GALR2: variants seen among roughly 807,000 people sequenced by gnomAD.
The protein encoded by GALR2 is galanin receptor type 2.
A neutral mutation model predicts 7.2 loss-of-function variants in GALR2; 5 were observed. The observed-to-expected ratio is 0.69, with a 90% CI of 0.36 to 1.45. GALR2 has a LOEUF of 1.45. GALR2 is among the 40% of genes most tolerant of loss of function. GALR2 has a pLI of 0.03. For synonymous variants in GALR2, 300 were observed against 263.9 expected (o/e 1.14, Z -1.32); for missense variants, 561 against 555.7 (o/e 1.01, Z -0.10).
upstream of GALR2, chr17:76,072,708 CG>C (rs2066866904): frequency 4.6e-5 from 39 of 853,678 alleles, no homozygotes; most frequent in South Asian, 7.5e-4. This position sits in a 1 kb window ranked among gnomAD's most constrained non-coding sequence, Gnocchi z 4.5. Context: ...GACTTGAGGC[CG>C]CAGTGAGACC....
At chr17:76,072,612 TG>T (rs2066866043), upstream of GALR2, 1 of 1,461,094 alleles carries the variant, frequency 6.8e-7, no homozygotes, top group Admixed American at 2.7e-5. The surrounding 1 kb of genome is among the most constrained non-coding windows in gnomAD (Gnocchi z 4.5). Flanking sequence ...CGTCGGCCCT[TG>T]CTGCAGCAGG....
chr17:76,074,203 C>T (rs924444215), upstream of GALR2, among the ~76,000 whole-genome samples: 3 of 152,100 alleles, frequency 2.0e-5, no homozygotes, highest in African/African-American at 4.8e-5. The surrounding 1 kb of genome is among the most constrained non-coding windows in gnomAD (Gnocchi z 6.7). Flanking sequence ...GTAGTCCCAG[C>T]CCCTCAGAAG....
chr17:76,074,488 G>A, upstream of GALR2, among the ~76,000 whole-genome samples: 1 of 152,230 alleles, frequency 6.6e-6, no homozygotes, highest in Admixed American at 6.5e-5. This position sits in a 1 kb window ranked among gnomAD's most constrained non-coding sequence, Gnocchi z 6.7. Context: ...CGGCGCACAC[G>A]CAGGGTCCGG....
chr17:76,076,913 C>A lies in GALR2; in HGVS notation c.646C>A (p.Arg216Ser), dbSNP rs762093548. ...TYARTLRYLW[R>S]AVDPVAAGSG... ...CGCGCGCACCTTGCGCTACCTCTGG[C>A]GCGCCGTCGACCCGGTGGCCGCGGG... Residue 216 changes from arginine (R) to serine (S), a missense_variant, in exon 2 of 2, where the codon CGC (arginine) becomes AGC (serine). By Grantham distance (110) the Arg-to-Ser change is moderately radical. Coordinates refer to ENST00000329003, the MANE Select transcript of GALR2 (RefSeq NM_003857.4). The surrounding 1 kb of genome is among the most constrained non-coding windows in gnomAD (Gnocchi z 6.5). 1 of 1,602,048 alleles carries A rather than the reference C, an allele frequency of 6.2e-7. No individual in the cohort carries two copies. The highest frequency in any genetic ancestry group is 8.5e-7 in the Non-Finnish European group (1 of 1,178,532).
upstream of GALR2, chr17:76,072,148 ACC>A: frequency 7.9e-7 from 1 of 1,264,140 alleles, no homozygotes; most frequent in Non-Finnish European, 1.1e-6. This position sits in a 1 kb window ranked among gnomAD's most constrained non-coding sequence, Gnocchi z 4.5. Flanking sequence ...CGAGAGACAG[ACC>A]CCCCCCGGAA....
rs1837090436 is a variant in GALR2 at position 76,074,864 on chromosome 17, GC to G, written c.-18del. Reference sequence around the variant, plus strand: ...CCAGACGGCTGCAGGAGCCCGGGCAGCCTCGGGGTCAGCGGCACCATGAACG... The same window carrying G: ...CCAGACGGCTGCAGGAGCCCGGGCAGCTCGGGGTCAGCGGCACCATGAACG... On this transcript the variant is annotated 5_prime_UTR_variant, in exon 1 of 2. Transcript: ENST00000329003. The surrounding 1 kb of genome is among the most constrained non-coding windows in gnomAD (Gnocchi z 6.7). The G allele has an allele frequency of 6.7e-7, 1 of 1,488,072 alleles. No individual in the cohort carries two copies. The highest frequency in any genetic ancestry group is 1.3e-5 in the South Asian group (1 of 75,806). The allele number at this position is 1,488,072 out of a possible 1,614,324, so 92.2% of individuals were successfully genotyped here.
At position 76,077,277 on chromosome 17, in the gene GALR2, G is replaced by A. The variant is rs758838164; in HGVS notation, c.1010G>A (p.Arg337His). 1 of 1,599,472 alleles carries A rather than the reference G, an allele frequency of 6.3e-7. No individual in the cohort carries two copies. Residue 337 changes from arginine to histidine, a missense_variant, in exon 2 of 2, where the codon CGC becomes CAC. Physicochemically the swap from Arg to His is conservative, Grantham distance 29 (BLOSUM62 0). Coordinates refer to ENST00000329003, the MANE Select transcript of GALR2 (RefSeq NM_003857.4). ...RGTHSGSVLE[R>H]ESSDLLHMSE... ...ACCCACAGTGGCAGCGTGTTGGAGCGCGAGTCCAGCGACCTGTTGCACATG... is the reference window on the plus strand; with the variant it reads ...ACCCACAGTGGCAGCGTGTTGGAGCACGAGTCCAGCGACCTGTTGCACATG...
At chr17:76,074,669 G>A (rs1371795499), upstream of GALR2, 16 of 554,512 alleles carry the variant, frequency 2.9e-5, no homozygotes, top group Non-Finnish European at 4.4e-5. This position sits in a 1 kb window ranked among gnomAD's most constrained non-coding sequence, Gnocchi z 6.7. Context: ...CAGCGCCGCC[G>A]GCCGCTGCTG....
At chr17:76,072,455 C>CACT (rs757052173), upstream of GALR2, 16 of 1,581,556 alleles carry the variant, frequency 1.0e-5, no homozygotes, top group Admixed American at 1.8e-5. The surrounding 1 kb of genome is among the most constrained non-coding windows in gnomAD (Gnocchi z 4.5). Context: ...CTGCCGCCGC[C>CACT]GCCGCCGCCG....
chr17:76,072,414 A>ACCGCCGCCGCCACTG (rs1555630552), upstream of GALR2: 4 of 1,580,616 alleles, frequency 2.5e-6, no homozygotes, highest in Non-Finnish European at 2.6e-6. This position sits in a 1 kb window ranked among gnomAD's most constrained non-coding sequence, Gnocchi z 4.5. Context: ...CACCGCCGCT[A>ACCGCCGCCGCCACTG]CCGCCGCCGC....
Position 76,075,893 on chromosome 17 carries a change from G to C in GALR2, c.368+642G>C, listed in dbSNP as rs1266380146. ...AACAAAATAAAATCCAAAACAAGTC[G>C]GGGCCGGGAGAGGAGCGTGCCCTGG... On this transcript the variant is annotated intron_variant, in intron 1 of 1. Coordinates refer to ENST00000329003, the MANE Select transcript of GALR2 (RefSeq NM_003857.4). This position sits in a 1 kb window ranked among gnomAD's most constrained non-coding sequence, Gnocchi z 5.9. Among the ~76,000 whole-genome samples the C allele has an allele frequency of 8.5e-5, 13 of 152,222 alleles. No individual in the cohort carries two copies. The highest frequency in any genetic ancestry group is 8.5e-4 in the Admixed American group (13 of 15,284).
Position 76,074,998 on chromosome 17 carries a change from G to A in GALR2, c.115G>A (p.Gly39Ser), listed in dbSNP as rs749562344. 2 of 1,606,968 alleles carry A rather than the reference G, an allele frequency of 1.2e-6. No individual in the cohort carries two copies. Among genetic ancestry groups the A allele is most frequent in the East Asian group, 2.2e-5 (1 of 44,852 alleles). ...GCTCTTCGCGCTCATCTTCCTCGTG[G>A]GCACCGTGGGCAACACGCTGGTGCT... ...PLLFALIFLV[G>S]TVGNTLVLAV... is the part of the protein sequence containing the mutation. The change falls in exon 1 of 2, where the codon GGC (glycine) becomes AGC (serine). Residue 39 changes from glycine to serine, a missense_variant. Transcript: ENST00000329003. This position sits in a 1 kb window ranked among gnomAD's most constrained non-coding sequence, Gnocchi z 6.7.
At chr17:76,072,129 A>C, upstream of GALR2, 136 of 1,164,834 alleles carry the variant, frequency 1.2e-4, no homozygotes, top group East Asian at 2.6e-4. This position sits in a 1 kb window ranked among gnomAD's most constrained non-coding sequence, Gnocchi z 4.5. Context: ...GACACGAGGA[A>C]AGACTAGTCG....
rs375528569 is a variant in GALR2, at chr17:76,076,837, C to A, written c.570C>A (p.Cys190Ter). ...CTCGCCGCCGCGCCATGGACATCTG[C>A]ACCTTCGTCTTCAGCTACCTGCTTC... ...SAPRRRAMDI[C>*]TFVFSYLLPV... Residue 190 changes from cysteine (C) to a stop codon, truncating the protein, a stop_gained, in exon 2 of 2, where the codon TGC becomes TGA. Coordinates refer to ENST00000329003, the MANE Select transcript of GALR2 (RefSeq NM_003857.4). LOFTEE classifies it low-confidence loss of function (END_TRUNC). This position sits in a 1 kb window ranked among gnomAD's most constrained non-coding sequence, Gnocchi z 6.5. 1 of 1,605,360 alleles carries A rather than the reference C, an allele frequency of 6.2e-7. No homozygotes were observed. Among genetic ancestry groups the A allele is most frequent in the Non-Finnish European group, 8.5e-7 (1 of 1,179,536 alleles).
upstream of GALR2, chr17:76,072,149 C>T (rs1236338429): frequency 1.1e-5 from 13 of 1,230,548 alleles, no homozygotes; most frequent in East Asian, 3.6e-4. This position sits in a 1 kb window ranked among gnomAD's most constrained non-coding sequence, Gnocchi z 4.5. Context: ...GAGAGACAGA[C>T]CCCCCCCGGA....
upstream of GALR2, among the ~76,000 whole-genome samples, chr17:76,074,331 G>A (rs1428145397): frequency 1.3e-5 from 2 of 152,136 alleles, no homozygotes; most frequent in African/African-American, 4.8e-5. This position sits in a 1 kb window ranked among gnomAD's most constrained non-coding sequence, Gnocchi z 6.7. Context: ...ATCCGCCTCC[G>A]CCCCGCGTTT....
chr17:76,075,180 G>A lies in GALR2; in HGVS notation c.297G>A (p.Lys99=), dbSNP rs1336508616. ...DGWVFGSLLC[K]AVHFLIFLTM... ...GGGTGTTCGGCTCGCTGCTGTGCAA[G>A]GCGGTGCACTTCCTCATCTTCCTCA... is the stretch of plus-strand genomic sequence containing the variant. Residue 99 remains lysine, a synonymous_variant, in exon 1 of 2, where the codon AAG becomes AAA. Coordinates refer to ENST00000329003, the MANE Select transcript of GALR2 (RefSeq NM_003857.4). This position sits in a 1 kb window ranked among gnomAD's most constrained non-coding sequence, Gnocchi z 5.9. 1.9e-6 allele frequency: 3 copies of A among 1,611,554 alleles called. No homozygotes were observed. Among genetic ancestry groups the A allele is most frequent in the Admixed American group, 1.7e-5 (1 of 60,000 alleles).
Position 76,077,082 on chromosome 17 carries a change from C to T in GALR2, c.815C>T (p.Ala272Val). The stretch of plus-strand genomic sequence containing the variant: ...TTCCCGCTCACGCGCGCCACTTATG[C>T]GCTTCGCATCCTCTCGCACCTGGTC... ...GQFPLTRATY[A>V]LRILSHLVSY... The change falls in exon 2 of 2, where the codon GCG becomes GTG. Residue 272 changes from alanine (A) to valine (V), a missense_variant. Coordinates refer to ENST00000329003, the MANE Select transcript of GALR2 (RefSeq NM_003857.4). 1 of 1,613,070 alleles carries T rather than the reference C, an allele frequency of 6.2e-7. No individual in the cohort carries two copies. Among genetic ancestry groups the T allele is most frequent in the East Asian group, 2.2e-5 (1 of 44,878 alleles).
chr17:76,074,855 G>T lies in GALR2; in HGVS notation c.-29G>T. ...CGCGGAGACCCAGACGGCTGCAGGA[G>T]CCCGGGCAGCCTCGGGGTCAGCGGC... is the stretch of plus-strand genomic sequence containing the variant. On this transcript the variant is annotated 5_prime_UTR_variant, in exon 1 of 2. Transcript: ENST00000329003. This position sits in a 1 kb window ranked among gnomAD's most constrained non-coding sequence, Gnocchi z 6.7. 5 of 1,469,740 alleles carry T rather than the reference G, an allele frequency of 3.4e-6. No homozygotes were observed. The highest frequency in any genetic ancestry group is 4.5e-6 in the Non-Finnish European group (5 of 1,115,062). The allele number at this position is 1,469,740 out of a possible 1,614,324, so 91.0% of individuals were successfully genotyped here.
Sources: allele counts gnomAD v4.1 joint callset (sites outside exome capture counted in the v4.1 genomes callset), GRCh38; gene constraint gnomAD v4.1.1; non-coding constraint Gnocchi (gnomAD v3.1); transcripts MANE v1.5; gene names NCBI Gene and HGNC (gene_info 2026-07-23, HGNC 2026-07-21).